The following ROBO1 variants were observed in gnomAD, a reference collection of about 807,000 sequenced individuals.
The protein encoded by ROBO1 is roundabout homolog 1.
Under a neutral mutation model 195.9 loss-of-function variants are expected in ROBO1, and 149 were observed. That is an observed-to-expected ratio of 0.76 (90% CI 0.67 to 0.87). The LOEUF is 0.87. ROBO1 is among the 40% of genes least tolerant of loss of function. The probability of loss-of-function intolerance (pLI) is 0.00; values close to 1 mark genes in which losing one functional copy is unlikely to be tolerated. For synonymous variants in ROBO1, 816 were observed against 733.2 expected (o/e 1.11, Z -1.82); for missense variants, 1,933 against 2,068.3 (o/e 0.93, Z 1.27).
intron 1 of ROBO1, among the ~76,000 whole-genome samples, chr3:79,632,020 T>G (rs1026203888): frequency 2.0e-5 from 3 of 152,014 alleles, no homozygotes; most frequent in Admixed American, 1.3e-4. Context: ...CTTGCTTATA[T>G]GCTGTTGGTA....
chr3:79,747,921 G>A (rs1246684793), intron 1 of ROBO1, among the ~76,000 whole-genome samples: 1 of 151,858 alleles, frequency 6.6e-6, no homozygotes, highest in Non-Finnish European at 1.5e-5. Flanking sequence ...TGAAATTGTT[G>A]GTATGACTAA....
At chr3:79,361,347 C>T (rs2035762584) in intron 2 of ROBO1, among the ~76,000 whole-genome samples, 1 of 151,756 alleles carries the variant, frequency 6.6e-6, no homozygotes, top group Non-Finnish European at 1.5e-5. Flanking sequence ...AAATACAATA[C>T]TGGAAAATCA....
rs145861328 is a variant in ROBO1, at chr3:79,560,910, G to T, written c.88+28914C>A. Reference sequence around the variant, plus strand: ...CTATGATATGTATATACAATTCACTGTCTTTGCTTTGTGCCCCCAACTGCA... The same window carrying T: ...CTATGATATGTATATACAATTCACTTTCTTTGCTTTGTGCCCCCAACTGCA... On this transcript the variant is annotated intron_variant, in intron 2 of 30. Coordinates refer to ENST00000464233, the MANE Select transcript of ROBO1 (RefSeq NM_002941.4). 4.7e-3 allele frequency among the ~76,000 whole-genome samples: 711 copies of T among 152,192 alleles called. 7 individuals carry two copies. Among genetic ancestry groups the T allele is most frequent in the Middle Eastern group, 0.027 (8 of 294 alleles).
intron 24 of ROBO1, among the ~76,000 whole-genome samples, chr3:78,632,532 T>C (rs566235449): frequency 3.9e-5 from 6 of 152,318 alleles, no homozygotes; most frequent in Non-Finnish European, 8.8e-5. Context: ...ACATCTACTG[T>C]AGCAACTCCA....
chr3:79,752,926 C>T (rs574010434), intron 1 of ROBO1, among the ~76,000 whole-genome samples: 18 of 151,914 alleles, frequency 1.2e-4, no homozygotes, highest in African/African-American at 2.9e-4. Context: ...TTTAAAAGAC[C>T]GGAGGCAGTA....
chr3:78,958,109 A>C (rs1036331642), intron 3 of ROBO1, among the ~76,000 whole-genome samples: 2 of 152,218 alleles, frequency 1.3e-5, no homozygotes, highest in Non-Finnish European at 2.9e-5. Context: ...TTTTGAAAAA[A>C]TAAGAGGATT....
intron 2 of ROBO1, among the ~76,000 whole-genome samples, chr3:79,577,786 C>A (rs1450456867): frequency 6.6e-6 from 1 of 151,058 alleles, no homozygotes; most frequent in African/African-American, 2.4e-5. Flanking sequence ...GTGGCGGGAG[C>A]CTGTAATCCC....
At chr3:79,353,201 A>G (rs1275967839) in intron 2 of ROBO1, among the ~76,000 whole-genome samples, 1 of 152,180 alleles carries the variant, frequency 6.6e-6, no homozygotes, top group Non-Finnish European at 1.5e-5. Flanking sequence ...ATGTTTAGTT[A>G]GTGACTATTA....
At chr3:78,598,966 CT>C in intron 30 of ROBO1, 39 bp from the exon 31 acceptor site, 1 of 1,373,046 alleles carries the variant, frequency 7.3e-7, no homozygotes, top group Non-Finnish European at 1.0e-6. Context: ...GAAAATAAAT[CT>C]TAAGAGGATT....
intron 2 of ROBO1, among the ~76,000 whole-genome samples, chr3:79,500,229 A>T (rs1939995244): frequency 6.8e-6 from 1 of 146,768 alleles, no homozygotes; most frequent in East Asian, 2.0e-4. Context: ...CTCCAGGTTC[A>T]AGCGATTCTC....
At chr3:79,033,880 T>C (rs1377034903) in intron 3 of ROBO1, among the ~76,000 whole-genome samples, 4 of 152,172 alleles carry the variant, frequency 2.6e-5, no homozygotes, top group African/African-American at 9.6e-5. Context: ...TTCTTTGAAA[T>C]AGGATTTTAT....
chr3:79,220,502 G>A (rs923168866), intron 2 of ROBO1, among the ~76,000 whole-genome samples: 5 of 151,790 alleles, frequency 3.3e-5, no homozygotes, highest in Admixed American at 6.6e-5. Context: ...ATTATTTATC[G>A]CCTGAATTTC....
At chr3:79,389,972 C>G (rs2036887107) in intron 2 of ROBO1, among the ~76,000 whole-genome samples, 1 of 151,844 alleles carries the variant, frequency 6.6e-6, no homozygotes, top group African/African-American at 2.4e-5. Flanking sequence ...ATACTCAGAG[C>G]ACAAGTGTGG....
At chr3:79,141,973 G>T (rs13327845) in intron 2 of ROBO1, among the ~76,000 whole-genome samples, 109,291 of 151,670 alleles carry the variant, frequency 0.72, 39,409 homozygotes, top group East Asian at 0.79. Flanking sequence ...GACATTTGTG[G>T]TTTTTTTTGT....
At chr3:79,680,534 GT>G (rs1423607775) in intron 1 of ROBO1, among the ~76,000 whole-genome samples, 2 of 152,128 alleles carry the variant, frequency 1.3e-5, no homozygotes, top group East Asian at 3.9e-4. Flanking sequence ...AGTGATTATA[GT>G]TTTGATTGTT....
intron 3 of ROBO1, among the ~76,000 whole-genome samples, chr3:79,045,827 A>C (rs2078580632): frequency 1.3e-5 from 2 of 152,122 alleles, no homozygotes; most frequent in South Asian, 4.1e-4. Flanking sequence ...GCAGGAACAA[A>C]AGCTTTCTCT....
rs536559541 is a variant in ROBO1, at chr3:79,061,507, A to AGTTCAT, written c.172+63943_172+63948dup. ...ACAGAATTGGAAAAAACTACTTTAA[A>AGTTCAT]GTTCATATGGAATCAAGAAAGAGCC... is the stretch of plus-strand genomic sequence containing the variant. On this transcript the variant is annotated intron_variant, in intron 3 of 30. Coordinates refer to ENST00000464233, the MANE Select transcript of ROBO1 (RefSeq NM_002941.4). Among the ~76,000 whole-genome samples the AGTTCAT allele has an allele frequency of 3.7e-4, 57 of 152,288 alleles. No homozygotes were observed. The South Asian group carries it at 6.6e-3, about 18-fold the overall frequency.
At chr3:79,587,505 T>C (rs73849627) in intron 2 of ROBO1, among the ~76,000 whole-genome samples, 3,773 of 151,886 alleles carry the variant, frequency 0.025, 107 homozygotes, top group African/African-American at 0.07. Context: ...CATGTTACAT[T>C]TTTTTCATTT....
At chr3:78,777,036 A>T (rs2083528054) in intron 4 of ROBO1, among the ~76,000 whole-genome samples, 1 of 152,160 alleles carries the variant, frequency 6.6e-6, no homozygotes, top group Admixed American at 6.5e-5. Flanking sequence ...TCTCTATAAT[A>T]ATTACTACTA....
Sources: gnomAD v4.1 joint callset for allele counts (sites outside exome capture counted in the v4.1 genomes callset) on GRCh38, gnomAD v4.1.1 for gene constraint, MANE v1.5 for transcripts, NCBI Gene and HGNC (gene_info 2026-07-23, HGNC 2026-07-21) for gene names.